The following MYCBP2 variants were observed in gnomAD, a reference collection of about 807,000 sequenced individuals.
The protein encoded by MYCBP2 is E3 ubiquitin-protein ligase MYCBP2.
A neutral mutation model predicts 525.3 loss-of-function variants in MYCBP2; 120 were observed. That is an observed-to-expected ratio of 0.23 (90% CI 0.20 to 0.27). The LOEUF is 0.27. MYCBP2 is among the 10% of genes least tolerant of loss of function. The pLI, the probability that MYCBP2 is intolerant of heterozygous loss-of-function variation, is 1.00. For missense variants in MYCBP2, 4,149 were observed against 5,657.1 expected (o/e 0.73, Z 8.55); for synonymous variants, 1,894 against 1,955.8 (o/e 0.97, Z 0.83).
At chr13:77,298,522 G>A (rs1034117651) in intron 1 of MYCBP2, among the ~76,000 whole-genome samples, 2 of 152,144 alleles carry the variant, frequency 1.3e-5, no homozygotes, top group African/African-American at 4.8e-5. Context: ...AGTACTCAAC[G>A]AGTATTTTAA....
chr13:77,231,512 C>T (rs1369291279), intron 18 of MYCBP2, among the ~76,000 whole-genome samples: 1 of 152,206 alleles, frequency 6.6e-6, no homozygotes, highest in Non-Finnish European at 1.5e-5. Flanking sequence ...TTCCAAAGTG[C>T]TGCAATTACA....
chr13:77,127,406 C>A (rs2051874033), intron 52 of MYCBP2, among the ~76,000 whole-genome samples: 1 of 151,818 alleles, frequency 6.6e-6, no homozygotes, highest in African/African-American at 2.4e-5. Context: ...AATAACCTTT[C>A]CATATTTTCT....
Position 77,101,261 on chromosome 13 carries a change from T to C in MYCBP2, c.8141-2248A>G, listed in dbSNP as rs146841995. Among the ~76,000 whole-genome samples, 157 of 152,134 alleles carry C rather than the reference T, an allele frequency of 1.0e-3. 1 individual carries two copies. Among genetic ancestry groups the C allele is most frequent in the Middle Eastern group, 3.4e-3 (1 of 294 alleles). ...ACTGAAAGAGGTTTTCTCTCTAATT[T>C]ATAAAAAAGGACAACTTGTGTAGGA... On this transcript the variant is annotated intron_variant, in intron 55 of 82. Transcript: ENST00000544440.
intron 16 of MYCBP2, 100 bp downstream of exon 16, chr13:77,243,706 C>G: frequency 9.9e-7 from 1 of 1,015,012 alleles, no homozygotes; most frequent in Non-Finnish European, 1.4e-6. Context: ...TAATTATTAT[C>G]CTAATTTATT....
At chr13:77,106,615 G>C (rs2047891802) in intron 55 of MYCBP2, among the ~76,000 whole-genome samples, 1 of 152,104 alleles carries the variant, frequency 6.6e-6, no homozygotes, top group African/African-American at 2.4e-5. Flanking sequence ...ATGTAATTGT[G>C]CTTCTCATGT....
intron 74 of MYCBP2, among the ~76,000 whole-genome samples, chr13:77,062,041 G>C (rs1350589198): frequency 6.6e-6 from 1 of 152,176 alleles, no homozygotes; most frequent in African/African-American, 2.4e-5. Flanking sequence ...TTGTTACTTA[G>C]AGACTTAAGA....
intron 8 of MYCBP2, 135 bp from the exon 9 acceptor site, chr13:77,264,137 T>A (rs926272111): frequency 2.0e-5 from 11 of 559,984 alleles, no homozygotes; most frequent in African/African-American, 1.9e-4. Context: ...TGCTTTTTAA[T>A]AAAGAATTAT....
At chr13:77,094,323 T>G (rs986725370) in intron 58 of MYCBP2, among the ~76,000 whole-genome samples, 2 of 152,172 alleles carry the variant, frequency 1.3e-5, no homozygotes, top group Non-Finnish European at 2.9e-5. Flanking sequence ...AAGTACAGGC[T>G]GCACCACTGA....
At chr13:77,277,209 C>T (rs747186066) in intron 4 of MYCBP2, among the ~76,000 whole-genome samples, 2 of 152,094 alleles carry the variant, frequency 1.3e-5, no homozygotes, top group African/African-American at 2.4e-5. Flanking sequence ...CAATTATTTG[C>T]TAACTAACAA....
intron 17 of MYCBP2, among the ~76,000 whole-genome samples, chr13:77,238,295 G>A (rs1273204529): frequency 6.6e-6 from 1 of 150,972 alleles, no homozygotes; most frequent in Non-Finnish European, 1.5e-5. Flanking sequence ...CTATAAAATG[G>A]GACTCTCCCA....
intron 52 of MYCBP2, among the ~76,000 whole-genome samples, chr13:77,132,845 T>G (rs994655773): frequency 2.0e-5 from 3 of 152,158 alleles, no homozygotes; most frequent in African/African-American, 7.2e-5. Context: ...TCTTCATCTT[T>G]TTACTTGCAT....
Position 77,181,942 on chromosome 13 carries a change from G to A in MYCBP2, c.4720-20C>T. ...GATATCCTTTTAAAAACAAAAATAT[G>A]GCCCCCCAACCAAAAAATATAGCAT... On this transcript the variant is annotated intron_variant, in intron 32 of 82. Coordinates refer to ENST00000544440, the MANE Select transcript of MYCBP2 (RefSeq NM_015057.5). 1 of 1,597,730 alleles carries A rather than the reference G, an allele frequency of 6.3e-7. No individual in the cohort carries two copies. The highest frequency in any genetic ancestry group is 1.3e-5 in the African/African-American group (1 of 74,584).
intron 59 of MYCBP2, among the ~76,000 whole-genome samples, chr13:77,091,363 T>C (rs1288697972): frequency 6.6e-6 from 1 of 151,952 alleles, no homozygotes; most frequent in Non-Finnish European, 1.5e-5. Flanking sequence ...ACATTTGTTC[T>C]GTTTTCAGAG....
intron 15 of MYCBP2, among the ~76,000 whole-genome samples, chr13:77,245,247 A>G (rs1448834249): frequency 6.6e-6 from 1 of 152,154 alleles, no homozygotes; most frequent in Non-Finnish European, 1.5e-5. Flanking sequence ...CAGCAGTCCC[A>G]TTACTAGGTA....
intron 1 of MYCBP2, among the ~76,000 whole-genome samples, chr13:77,307,654 AC>A (rs1422782683): frequency 2.6e-4 from 39 of 148,802 alleles, no homozygotes; most frequent in Non-Finnish European, 2.7e-4. Context: ...AAAAAAAAAA[AC>A]TTCATTGTAT....
intron 52 of MYCBP2, among the ~76,000 whole-genome samples, chr13:77,126,875 T>C (rs1173057363): frequency 6.6e-6 from 1 of 152,062 alleles, no homozygotes; most frequent in East Asian, 1.9e-4. Flanking sequence ...AAAAATACTA[T>C]ACTATGTGAA....
At chr13:77,226,792 C>T (rs2066343466) in intron 18 of MYCBP2, among the ~76,000 whole-genome samples, 4 of 152,026 alleles carry the variant, frequency 2.6e-5, no homozygotes, top group African/African-American at 4.8e-5. Flanking sequence ...AAACTCTTTA[C>T]GACACTAGGA....
Position 77,261,288 on chromosome 13 carries a change from A to T in MYCBP2, c.1735T>A (p.Ser579Thr). 6.2e-7 allele frequency: 1 copy of T among 1,613,496 alleles called. No homozygotes were observed. Among genetic ancestry groups the T allele is most frequent in the Non-Finnish European group, 8.5e-7 (1 of 1,179,728 alleles). ...ACTGAGAAGTGTACTATCTTTGGAG[A>T]TTTTGTAATTGGTAGCTCAACCCAT... ...GKWVELPITK[S>T]PKIVHFSVGH... The change falls in exon 12 of 83, where the codon TCT becomes ACT. Residue 579 changes from serine (S) to threonine (T), a missense_variant. Physicochemically the swap from Ser to Thr is moderately conservative, Grantham distance 58. Around this residue, in one of 21 missense-constraint regions of MYCBP2, gnomAD observed 262 missense variants for 419.3 expected, o/e 0.62. Transcript: ENST00000544440.
At chr13:77,146,736 C>T (rs1043018066) in intron 47 of MYCBP2, among the ~76,000 whole-genome samples, 1 of 152,050 alleles carries the variant, frequency 6.6e-6, no homozygotes, top group Admixed American at 6.6e-5. Flanking sequence ...TAAAATAAAT[C>T]ACATCATGGT....
Sources: gnomAD v4.1 joint callset for allele counts (sites outside exome capture counted in the v4.1 genomes callset) on GRCh38, gnomAD v4.1.1 for gene constraint, gnomAD v4.1.1 regional missense constraint, MANE v1.5 for transcripts, NCBI Gene and HGNC (gene_info 2026-07-23, HGNC 2026-07-21) for gene names.